Variants in ANO3 observed in about 807,000 individuals in gnomAD.
ANO3 encodes anoctamin 3.
ANO3 carries 99 observed loss-of-function variants against 144.8 expected under a neutral mutation model. That is an observed-to-expected ratio of 0.68 (90% CI 0.58 to 0.81). ANO3 has a LOEUF of 0.81. ANO3 is among the 30% of genes least tolerant of loss of function. The pLI, the probability that ANO3 is intolerant of heterozygous loss-of-function variation, is 0.00. For missense variants in ANO3, 905 were observed against 1,202.2 expected (o/e 0.75, Z 3.66); for synonymous variants, 414 against 392.6 (o/e 1.05, Z -0.64).
At chr11:26,406,675 CAGTG>C (rs1452938051) in intron 1 of ANO3, among the ~76,000 whole-genome samples, 3 of 102,512 alleles carry the variant, frequency 2.9e-5, no homozygotes, top group East Asian at 2.9e-4. Context: ...TAATCTATGG[CAGTG>C]TGTGTGTGTG....
chr11:26,466,250 A>G (rs1859597691), intron 4 of ANO3, among the ~76,000 whole-genome samples: 1 of 152,014 alleles, frequency 6.6e-6, no homozygotes, highest in Admixed American at 6.6e-5. Flanking sequence ...TAGAGGCAGC[A>G]CTAAACATGG....
At position 26,647,700 on chromosome 11, in the gene ANO3, T is replaced by C. The variant is rs184075066; in HGVS notation, c.2429-9T>C. ...TTTTGTTCACCATGATTAATCTTTC[T>C]CTTACCAGGTATCTGGCTTGGAATT... On this transcript the variant is annotated splice_polypyrimidine_tract_variant and intron_variant, in intron 23 of 26. Coordinates refer to ENST00000256737, the MANE Select transcript of ANO3 (RefSeq NM_031418.4). 277 of 1,594,434 alleles carry C rather than the reference T, an allele frequency of 1.7e-4. No individual in the cohort carries two copies. The highest frequency in any genetic ancestry group is 7.6e-5 in the Non-Finnish European group (89 of 1,167,384).
chr11:26,311,869 C>T (rs1160653411), intron 1 of ANO3, among the ~76,000 whole-genome samples: 1 of 152,104 alleles, frequency 6.6e-6, no homozygotes, highest in Non-Finnish European at 1.5e-5. Context: ...TTTTATTATA[C>T]TTTAAGTTCT....
chr11:26,590,401 G>A (rs1241249744), intron 14 of ANO3, among the ~76,000 whole-genome samples: 1 of 152,152 alleles, frequency 6.6e-6, no homozygotes, highest in Non-Finnish European at 1.5e-5. Flanking sequence ...CCACACACAG[G>A]CAGCTACAAA....
intron 1 of ANO3, among the ~76,000 whole-genome samples, chr11:26,361,078 G>A (rs1437468315): frequency 6.6e-6 from 1 of 152,106 alleles, no homozygotes; most frequent in South Asian, 2.1e-4. Context: ...CCAGGAGTCA[G>A]GAAAAGCCAG....
Position 26,326,143 on chromosome 11 carries a change from T to C in ANO3, c.-3+16424T>C, listed in dbSNP as rs143366192. Among the ~76,000 whole-genome samples, 1,380 of 152,296 alleles carry C rather than the reference T, an allele frequency of 9.1e-3. 14 individuals carry two copies. The highest frequency in any genetic ancestry group is 0.031 in the African/African-American group (1,304 of 41,562). On this transcript the variant is annotated intron_variant, in intron 1 of 26. Coordinates refer to the ANO3 transcript ENST00000525139. ...CTATCAAGTAATTTAAACATAGTTA[T>C]CATTTTTCCCTTTTTACATTTATTT... is the stretch of plus-strand genomic sequence containing the variant.
chr11:26,421,119 A>G (rs1366299605), intron 1 of ANO3, among the ~76,000 whole-genome samples: 1 of 151,992 alleles, frequency 6.6e-6, no homozygotes, highest in East Asian at 1.9e-4. Flanking sequence ...CTCTTAAGAT[A>G]ATAATTTTTT....
chr11:26,236,795 GC>G (rs1341422158), intron 1 of ANO3, among the ~76,000 whole-genome samples: 3 of 143,044 alleles, frequency 2.1e-5, no homozygotes, highest in African/African-American at 7.8e-5. Context: ...TCCAGCCTGG[GC>G]GACAGAGTGA....
intron 1 of ANO3, among the ~76,000 whole-genome samples, chr11:26,362,483 G>A (rs1855954019): frequency 6.6e-6 from 1 of 152,156 alleles, no homozygotes; most frequent in Non-Finnish European, 1.5e-5. Context: ...GGCAAGTAAA[G>A]CCTGCAGATT....
rs550113359 is a variant in ANO3, at chr11:26,363,763, G to A, written c.46+31442G>A. On this transcript the variant is annotated intron_variant, in intron 1 of 26. Coordinates refer to ENST00000256737, the MANE Select transcript of ANO3 (RefSeq NM_031418.4). ...TGCTTCCTACATTTCTTTTATTCAA[G>A]CCTATCATCAGCTTCAGCTGTTAGT... Among the ~76,000 whole-genome samples, 5 of 151,696 alleles carry A rather than the reference G, an allele frequency of 3.3e-5. No homozygotes were observed. The South Asian group carries it at 1.0e-3, about 31-fold the overall frequency.
chr11:26,455,893 AG>A (rs1859136964), intron 3 of ANO3, among the ~76,000 whole-genome samples: 1 of 151,944 alleles, frequency 6.6e-6, no homozygotes. Context: ...TCAATGGAAC[AG>A]AACAGAGCCC....
intron 1 of ANO3, among the ~76,000 whole-genome samples, chr11:26,238,750 A>G (rs928471577): frequency 3.9e-5 from 6 of 152,186 alleles, no homozygotes; most frequent in African/African-American, 1.4e-4. Flanking sequence ...AATATAGAGC[A>G]GAAGAAAGTG....
chr11:26,236,909 A>T (rs1852543406), intron 1 of ANO3, among the ~76,000 whole-genome samples: 1 of 152,010 alleles, frequency 6.6e-6, no homozygotes, highest in South Asian at 2.1e-4. Flanking sequence ...AAATGGGGAT[A>T]TATACAGTTA....
chr11:26,332,934 T>C (rs1480974431), intron 1 of ANO3, among the ~76,000 whole-genome samples: 1 of 152,172 alleles, frequency 6.6e-6, no homozygotes, highest in Admixed American at 6.5e-5. Context: ...CTCCCTCAAG[T>C]TTCTTGCTGG....
chr11:26,374,316 A>T (rs1030960135), intron 1 of ANO3, among the ~76,000 whole-genome samples: 4 of 152,226 alleles, frequency 2.6e-5, no homozygotes, highest in African/African-American at 9.6e-5. Context: ...CACATTCAGG[A>T]TTTGACATGG....
chr11:26,374,239 G>T (rs1318993658), intron 1 of ANO3, among the ~76,000 whole-genome samples: 1 of 152,170 alleles, frequency 6.6e-6, no homozygotes, highest in African/African-American at 2.4e-5. Flanking sequence ...GAGTGGCAAA[G>T]AAATCATTTA....
intron 17 of ANO3, among the ~76,000 whole-genome samples, chr11:26,602,535 C>G (rs115525523): frequency 6.6e-6 from 1 of 151,542 alleles, no homozygotes; most frequent in Admixed American, 6.6e-5. Flanking sequence ...GAGACCAGCC[C>G]GGGCAACATA....
At chr11:26,472,710 C>A (rs1859825997) in intron 4 of ANO3, among the ~76,000 whole-genome samples, 1 of 151,766 alleles carries the variant, frequency 6.6e-6, no homozygotes. Context: ...GGCTCCTGTG[C>A]TTAGTTAGAT....
chr11:26,515,121 C>G (rs573794867), intron 5 of ANO3, among the ~76,000 whole-genome samples: 1 of 152,084 alleles, frequency 6.6e-6, no homozygotes, highest in African/African-American at 2.4e-5. Flanking sequence ...ATGTTTACTT[C>G]TGGCATTGTC....
Sources: gnomAD v4.1 joint callset for allele counts (sites outside exome capture counted in the v4.1 genomes callset) on GRCh38, gnomAD v4.1.1 for gene constraint, MANE v1.5 for transcripts, NCBI Gene and HGNC (gene_info 2026-07-23, HGNC 2026-07-21) for gene names.